PIEZO2: variants seen among roughly 807,000 people sequenced by gnomAD.
PIEZO2 encodes piezo type mechanosensitive ion channel component 2.
Under a neutral mutation model 337.3 loss-of-function variants are expected in PIEZO2, and 172 were observed. That is an observed-to-expected ratio of 0.51 (90% CI 0.45 to 0.58). PIEZO2 has a LOEUF of 0.58. PIEZO2 is among the 20% of genes least tolerant of loss of function. PIEZO2 has a pLI of 0.00. For missense variants in PIEZO2, 3,028 were observed against 3,391.3 expected (o/e 0.89, Z 2.66); for synonymous variants, 1,251 against 1,228.5 (o/e 1.02, Z -0.38).
At chr18:10,931,357 G>A (rs963121999) in intron 3 of PIEZO2, among the ~76,000 whole-genome samples, 7 of 152,060 alleles carry the variant, frequency 4.6e-5, no homozygotes, top group African/African-American at 1.7e-4. Context: ...CTGCCACCAC[G>A]CCCAGCTAAT....
intron 7 of PIEZO2, among the ~76,000 whole-genome samples, chr18:10,841,885 AG>A (rs2041205433): frequency 6.6e-6 from 1 of 152,194 alleles, no homozygotes; most frequent in South Asian, 2.1e-4. Flanking sequence ...GGTGCAACGC[AG>A]GGCGTGGTGG....
Position 11,109,843 on chromosome 18 carries a change from CT to C in PIEZO2, c.64+38681del, listed in dbSNP as rs2039678729. ...TATACAGATTTTTCCACAGATCTTT[CT>C]TTTCTTGCTTTCCTTTACTGAAATT... On this transcript the variant is annotated intron_variant, in intron 1 of 55. Coordinates refer to ENST00000674853, the MANE Select transcript of PIEZO2 (RefSeq NM_001378183.1). The surrounding 1 kb of genome is among the most constrained non-coding windows in gnomAD (Gnocchi z 5.1). Among the ~76,000 whole-genome samples the C allele has an allele frequency of 6.6e-6, 1 of 152,148 alleles. No individual in the cohort carries two copies. Among genetic ancestry groups the C allele is most frequent in the Non-Finnish European group, 1.5e-5 (1 of 68,014 alleles).
At chr18:10,705,241 T>A (rs932660722) in intron 41 of PIEZO2, 95 bp downstream of exon 41, 2 of 1,396,904 alleles carry the variant, frequency 1.4e-6, no homozygotes, top group South Asian at 1.5e-5. Context: ...GATGAACTTT[T>A]TTCTATATAT....
intron 33 of PIEZO2, chr18:10,739,998 A>G (rs563068233): frequency 1.4e-4 from 22 of 152,312 alleles, no homozygotes; most frequent in African/African-American, 5.3e-4. Flanking sequence ...ATATCCTCCT[A>G]GTAGATTCAC....
chr18:10,916,682 G>A (rs2030999139), intron 3 of PIEZO2, among the ~76,000 whole-genome samples: 1 of 152,146 alleles, frequency 6.6e-6, no homozygotes, highest in African/African-American at 2.4e-5. Context: ...CTCCCCACAA[G>A]GAGAGGGAGC....
rs1598431285 is a variant in PIEZO2 at position 10,750,251 on chromosome 18, T to A, written c.4168-64A>T. On this transcript the variant is annotated intron_variant, in intron 28 of 55. Transcript: ENST00000674853. The surrounding 1 kb of genome is among the most constrained non-coding windows in gnomAD (Gnocchi z 4.1). ...AGCCAGAAAAAAAAGTGGTGTTTTA[T>A]GATCCCAACATGTGCAAGAATTCAC... 1 of 1,174,554 alleles carries A rather than the reference T, an allele frequency of 8.5e-7. No homozygotes were observed. The allele number at this position is 1,174,554 out of a possible 1,614,324, so 72.8% of individuals were successfully genotyped here.
At chr18:10,731,177 T>TTATATATATATATA (rs60508630) in intron 36 of PIEZO2, among the ~76,000 whole-genome samples, 2 of 35,230 alleles carry the variant, frequency 5.7e-5, no homozygotes, top group Admixed American at 3.4e-4. Flanking sequence ...ACTTAAAAGA[T>TTATATATATATATA]TATATATATA....
At position 10,850,613 on chromosome 18, in the gene PIEZO2, A is replaced by G. The variant is rs765405285; in HGVS notation, c.917+4740T>C. On this transcript the variant is annotated intron_variant, in intron 7 of 55. Transcript: ENST00000674853. The surrounding 1 kb of genome is among the most constrained non-coding windows in gnomAD (Gnocchi z 4.5). ...GGGTTGACTAAATTCTAATATAGCT[A>G]CACAATCACTTTGCACTCTATGAAA... Among the ~76,000 whole-genome samples the G allele has an allele frequency of 9.2e-4, 140 of 152,234 alleles. 1 individual carries two copies. Among genetic ancestry groups the G allele is most frequent in the Non-Finnish European group, 3.2e-4 (22 of 68,050 alleles).
rs994731070 is a variant in PIEZO2, at chr18:10,676,243, A to G, written c.8082-955T>C. Among the ~76,000 whole-genome samples, 2 of 152,184 alleles carry G rather than the reference A, an allele frequency of 1.3e-5. No homozygotes were observed. Among genetic ancestry groups the G allele is most frequent in the African/African-American group, 4.8e-5 (2 of 41,434 alleles). On this transcript the variant is annotated intron_variant, in intron 53 of 55. Coordinates refer to ENST00000674853, the MANE Select transcript of PIEZO2 (RefSeq NM_001378183.1). The surrounding 1 kb of genome is among the most constrained non-coding windows in gnomAD (Gnocchi z 5.1). ...CTCCAAGGGCCCTTCAACTTTAGTGAGTCGCAAAACATATCTCAGTCTGGG... is the reference window on the plus strand; with the variant it reads ...CTCCAAGGGCCCTTCAACTTTAGTGGGTCGCAAAACATATCTCAGTCTGGG...
At chr18:11,117,926 G>A (rs2039933604) in intron 1 of PIEZO2, among the ~76,000 whole-genome samples, 1 of 152,174 alleles carries the variant, frequency 6.6e-6, no homozygotes. Flanking sequence ...CATTCAAAGA[G>A]GGTCCTAAGA....
Position 10,761,115 on chromosome 18 carries a change from C to T in PIEZO2, c.3250-4G>A. Reference sequence around the variant, plus strand: ...TAGCCAGCATCAGGAGGTTATTCTACAAAGCAAGGAAACACAAATGTGTCA... The same window carrying T: ...TAGCCAGCATCAGGAGGTTATTCTATAAAGCAAGGAAACACAAATGTGTCA... On this transcript the variant is annotated splice_polypyrimidine_tract_variant and splice_region_variant and intron_variant, in intron 23 of 55. Coordinates refer to ENST00000674853, the MANE Select transcript of PIEZO2 (RefSeq NM_001378183.1). 4 of 1,536,500 alleles carry T rather than the reference C, an allele frequency of 2.6e-6. No homozygotes were observed. Among genetic ancestry groups the T allele is most frequent in the Non-Finnish European group, 3.5e-6 (4 of 1,146,282 alleles).
At chr18:10,747,602 G>A (rs1161677772) in intron 30 of PIEZO2, among the ~76,000 whole-genome samples, 2 of 152,296 alleles carry the variant, frequency 1.3e-5, no homozygotes, top group Non-Finnish European at 1.5e-5. Context: ...TGTGCCACAA[G>A]GCTCTTCTGA....
chr18:10,796,206 TAA>T (rs1189132432), intron 12 of PIEZO2, among the ~76,000 whole-genome samples: 1 of 142,122 alleles, frequency 7.0e-6, no homozygotes, highest in African/African-American at 2.6e-5. Context: ...CTACTAAAAA[TAA>T]AAAAAAAAAA....
In PIEZO2 at chr18:11,111,540, T is replaced by C. The variant is rs1007842190; in HGVS notation, c.64+36985A>G. 1.3e-5 allele frequency among the ~76,000 whole-genome samples: 2 copies of C among 152,170 alleles called. No homozygotes were observed. Among genetic ancestry groups the C allele is most frequent in the Non-Finnish European group, 2.9e-5 (2 of 68,024 alleles). ...AGGGCCCTCCAAATCTGTGATGCCG[T>C]GGCCATTCTCTATACCACCTTCAGG... is the stretch of plus-strand genomic sequence containing the variant. On this transcript the variant is annotated intron_variant, in intron 1 of 55. Transcript: ENST00000674853. This position sits in a 1 kb window ranked among gnomAD's most constrained non-coding sequence, Gnocchi z 6.2.
chr18:10,804,606 T>C (rs990444611), intron 8 of PIEZO2, among the ~76,000 whole-genome samples: 1 of 152,186 alleles, frequency 6.6e-6, no homozygotes, highest in African/African-American at 2.4e-5. Context: ...GGACTTAGTC[T>C]CATTGTCTGG....
chr18:10,703,303 T>C (rs983504824), intron 42 of PIEZO2, among the ~76,000 whole-genome samples: 12 of 152,232 alleles, frequency 7.9e-5, no homozygotes, highest in Admixed American at 6.5e-4. Flanking sequence ...CATTTACATC[T>C]TGAAGTGATG....
At chr18:10,804,182 C>T (rs2039919962) in intron 8 of PIEZO2, among the ~76,000 whole-genome samples, 188 bp from the exon 9 acceptor site, 1 of 152,212 alleles carries the variant, frequency 6.6e-6, no homozygotes, top group South Asian at 2.1e-4. Context: ...TGTAAGTACA[C>T]CAGTATTAAA....
intron 8 of PIEZO2, among the ~76,000 whole-genome samples, chr18:10,806,057 T>C (rs17567063): frequency 0.3 from 46,309 of 152,158 alleles, 7,588 homozygotes; most frequent in Middle Eastern, 0.41. Context: ...TAGTTTCAGA[T>C]CCAGTTGGCC....
intron 2 of PIEZO2, among the ~76,000 whole-genome samples, chr18:10,995,488 A>C (rs1014751709): frequency 6.6e-6 from 1 of 152,128 alleles, no homozygotes; most frequent in Non-Finnish European, 1.5e-5. Context: ...ATAAAACTCT[A>C]CTTTGGTGGT....
Sources: allele counts gnomAD v4.1 joint callset (sites outside exome capture counted in the v4.1 genomes callset), GRCh38; gene constraint gnomAD v4.1.1; non-coding constraint Gnocchi (gnomAD v3.1); transcripts MANE v1.5; gene names NCBI Gene and HGNC (gene_info 2026-07-23, HGNC 2026-07-21).